Variants in MIB2 observed in about 807,000 individuals in gnomAD.
MIB2 encodes the protein MIB E3 ubiquitin protein ligase 2, also known as E3 ubiquitin-protein ligase MIB2.
MIB2 carries 78 observed loss-of-function variants against 96.6 expected under a neutral mutation model. That is an observed-to-expected ratio of 0.81 (90% CI 0.67 to 0.97). The LOEUF (loss-of-function observed/expected upper bound fraction) is 0.97. Ranked by LOEUF, MIB2 falls within the 50% of genes least tolerant of loss-of-function variation. The probability of loss-of-function intolerance (pLI) is 0.00; values close to 1 mark genes in which losing one functional copy is unlikely to be tolerated. For synonymous variants in MIB2, 820 were observed against 629.5 expected, an observed-to-expected ratio of 1.30 and a Z score of -4.53; for missense variants, 1,543 against 1,424.0, an observed-to-expected ratio of 1.08 and a Z score of -1.35.
Position 1,626,803 on chromosome 1 carries a change from T to C in MIB2, c.1078-34T>C, listed in dbSNP as rs1410743450. On this transcript the variant is annotated intron_variant, in intron 9 of 19. Transcript: ENST00000355826. This position sits in a 1 kb window ranked among gnomAD's most constrained non-coding sequence, Gnocchi z 5.3. Reference sequence around the variant, plus strand: ...CGCTAGCGCCGCTGCCCCCCACACCTGCAGCCTGCTGTGACCCCCTCCCCT... The same window carrying C: ...CGCTAGCGCCGCTGCCCCCCACACCCGCAGCCTGCTGTGACCCCCTCCCCT... 2.0e-6 allele frequency: 3 copies of C among 1,501,094 alleles called. No homozygotes were observed. The highest frequency in any genetic ancestry group is 2.3e-5 in the South Asian group (2 of 88,232). The allele number at this position is 1,501,094 out of a possible 1,614,324, so 93.0% of individuals were successfully genotyped here. A position where few individuals can be genotyped will look rare whatever the true frequency, so the allele number is the denominator to read the frequency against.
At chr1:1,619,101 C>T (rs1205345302) in intron 2 of MIB2, 1 of 152,546 alleles carries the variant, frequency 6.6e-6, no homozygotes, top group Non-Finnish European at 1.5e-5. Flanking sequence ...CGGCCGGGCA[C>T]AGTGGCTCAC....
intron 2 of MIB2, chr1:1,623,127 G>A (rs930336599): frequency 4.0e-6 from 2 of 496,238 alleles, no homozygotes; most frequent in Admixed American, 3.9e-5. Context: ...GTTTTCTTCC[G>A]AGAGCGTTAT....
In MIB2 at chr1:1,629,017, C is replaced by T. The variant is rs1478119499; in HGVS notation, c.2203-116C>T. On this transcript the variant is annotated intron_variant, in intron 16 of 19. Transcript: ENST00000355826. ...CCACTTGGGTTCCGGAAGAGGTGCC[C>T]TTGCCTTGTATTTTAGACATGGGGC... is the stretch of plus-strand genomic sequence containing the variant. 24 of 1,178,702 alleles carry T rather than the reference C, an allele frequency of 2.0e-5. 2 individuals are homozygous for T. The South Asian group carries it at 3.4e-4, about 17-fold the overall frequency. The allele number at this position is 1,178,702 out of a possible 1,614,324, so 73.0% of individuals were successfully genotyped here.
Position 1,628,068 on chromosome 1 carries a change from G to C in MIB2, c.1730G>C (p.Gly577Ala). The C allele has an allele frequency of 1.9e-6, 3 of 1,613,184 alleles. No individual in the cohort carries two copies. The highest frequency in any genetic ancestry group is 2.5e-6 in the Non-Finnish European group (3 of 1,179,990). Reference sequence around the variant, plus strand: ...CACTCCGCCATCTCGGCGGGCACTGGAGCCAGCGGCATTGTCGAGGTCCTC... The same window carrying C: ...CACTCCGCCATCTCGGCGGGCACTGCAGCCAGCGGCATTGTCGAGGTCCTC... ...PLHSAISAGTGASGIVEVLTE... is the reference protein window; with the variant it reads ...PLHSAISAGTAASGIVEVLTE... The change falls in exon 14 of 20, where the codon GGA becomes GCA. Residue 577 changes from glycine (G) to alanine (A), a missense_variant. Physicochemically the swap from Gly to Ala is moderately conservative, Grantham distance 60. Coordinates refer to ENST00000355826, the MANE Select transcript of MIB2 (RefSeq NM_001170687.4).
rs1287602107 is a variant in MIB2, at chr1:1,628,785, AGG to A, written c.2202+65_2202+66del. ...GTGGCGCCGGCAGCAGGCTCTGGGC[AGG>A]GCCTGTGCCACTGTCCACCTTCCCC... is the stretch of plus-strand genomic sequence containing the variant. On this transcript the variant is annotated intron_variant, in intron 16 of 19. Coordinates refer to ENST00000355826, the MANE Select transcript of MIB2 (RefSeq NM_001170687.4). The A allele has an allele frequency of 1.9e-5, 25 of 1,342,638 alleles. No homozygotes were observed. The South Asian group carries it at 2.6e-4, about 14-fold the overall frequency. 83.2% of individuals were successfully genotyped at this position (1,342,638 alleles called of 1,614,324 possible). A position where few individuals can be genotyped will look rare whatever the true frequency, so the allele number is the denominator to read the frequency against.
intron 1 of MIB2, chr1:1,615,972 C>A (rs1297643645): frequency 1.2e-5 from 12 of 985,628 alleles, no homozygotes; most frequent in Non-Finnish European, 1.4e-5. Context: ...GCCTGGCCGC[C>A]GCTGAGCAGT....
intron 4 of MIB2, 40 bp downstream of exon 4, chr1:1,623,985 C>G: frequency 3.8e-6 from 6 of 1,567,376 alleles, no homozygotes; most frequent in Non-Finnish European, 5.2e-6. Flanking sequence ...CGGCGGGTAC[C>G]CAGGCCTTGC....
chr1:1,628,192 T>G lies in MIB2; in HGVS notation c.1841+13T>G, dbSNP rs1644994726. ...AGGGTCACGCGCTGTGAGTGTGGGG[T>G]GGGCACACAGCTGCAGCCGGCCTCT... On this transcript the variant is annotated intron_variant, in intron 14 of 19. Transcript: ENST00000355826. 1 of 1,612,598 alleles carries G rather than the reference T, an allele frequency of 6.2e-7. No individual in the cohort carries two copies. The highest frequency in any genetic ancestry group is 1.3e-5 in the African/African-American group (1 of 75,020).
intron 2 of MIB2, chr1:1,623,201 C>A (rs992369270): frequency 1.5e-6 from 1 of 654,194 alleles, no homozygotes; most frequent in Non-Finnish European, 2.5e-6. Flanking sequence ...GACCACCCTG[C>A]AGTTCCCGCG....
At chr1:1,614,577 AT>A (rs1414058863), upstream of MIB2, 1 of 152,240 alleles carries the variant, frequency 6.6e-6, no homozygotes, top group Non-Finnish European at 1.5e-5. Context: ...CGATTCCCAG[AT>A]TAACTCACTT....
chr1:1,629,770 C>G (rs539664185), intron 19 of MIB2, 66 bp downstream of exon 19: 4 of 1,454,586 alleles, frequency 2.7e-6, no homozygotes, highest in Admixed American at 4.6e-5. Context: ...TCCCCGTCCC[C>G]CACCCCTTCC....
rs747046371 is a variant in MIB2 at position 1,628,686 on chromosome 1, C to CG, written c.2173dup (p.Asp725GlyfsTer107). On this transcript the variant is annotated frameshift_variant, in exon 16 of 20. Coordinates refer to ENST00000355826, the MANE Select transcript of MIB2 (RefSeq NM_001170687.4). LOFTEE classifies it high-confidence loss of function. The stretch of plus-strand genomic sequence containing the variant: ...TGCTGCCCCTGGTGGCTGATGGGGC[C>CG]GGGGGGGACCCAGGGCCCTTGCAGC... 2.4e-5 allele frequency: 37 copies of CG among 1,569,996 alleles called. No individual in the cohort carries two copies. Among genetic ancestry groups the CG allele is most frequent in the Non-Finnish European group, 2.8e-5 (32 of 1,159,754 alleles).
chr1:1,616,672 C>A (rs1643737451), intron 2 of MIB2, 58 bp downstream of exon 2: 1 of 1,400,980 alleles, frequency 7.1e-7, no homozygotes, highest in Non-Finnish European at 9.8e-7. Context: ...CACTTTGGGG[C>A]TCCGTGGAAG....
At chr1:1,621,216 C>T (rs1644232241) in intron 2 of MIB2, among the ~76,000 whole-genome samples, 1 of 152,256 alleles carries the variant, frequency 6.6e-6, no homozygotes, top group Admixed American at 6.5e-5. Flanking sequence ...CACAGGGGCC[C>T]ATGGGGAGGG....
intron 16 of MIB2, 134 bp downstream of exon 16, chr1:1,628,856 G>A: frequency 2.3e-6 from 2 of 855,240 alleles, no homozygotes; most frequent in Non-Finnish European, 3.5e-6. Context: ...GGGTGGAGCA[G>A]ATGGGAGCCA....
At chr1:1,624,049 G>A in intron 4 of MIB2, 104 bp downstream of exon 4, 1 of 1,333,068 alleles carries the variant, frequency 7.5e-7, no homozygotes, top group South Asian at 1.4e-5. Flanking sequence ...CTCCCAGGAA[G>A]ACGGAGCAAG....
intron 4 of MIB2, 103 bp downstream of exon 4, chr1:1,624,048 A>G: frequency 3.8e-6 from 5 of 1,326,518 alleles, no homozygotes; most frequent in Non-Finnish European, 5.1e-6. Flanking sequence ...GCTCCCAGGA[A>G]GACGGAGCAA....
In MIB2 at chr1:1,630,094, G is replaced by A. The variant is rs1638544840; in HGVS notation, c.2630-198G>A. ...GACTCCAGCCCGCACACCACCTTATGCCTGATTTCCACGGCTCACCTCCTG... is the reference window on the plus strand; with the variant it reads ...GACTCCAGCCCGCACACCACCTTATACCTGATTTCCACGGCTCACCTCCTG... On this transcript the variant is annotated intron_variant, in intron 19 of 19. Transcript: ENST00000355826. 7.1e-5 allele frequency among the ~76,000 whole-genome samples: 10 copies of A among 140,340 alleles called. 1 individual carries two copies. In the South Asian group the frequency reaches 2.0e-3, roughly 29 times the overall value. The allele number at this position is 140,340 out of a possible 152,430, so 92.1% of individuals were successfully genotyped here. A position where few individuals can be genotyped will look rare whatever the true frequency, so the allele number is the denominator to read the frequency against.
intron 13 of MIB2, 82 bp from the exon 14 acceptor site, chr1:1,627,937 C>G: frequency 6.2e-7 from 1 of 1,603,616 alleles, no homozygotes; most frequent in South Asian, 1.1e-5. Flanking sequence ...GCCCCCTGCC[C>G]GTGAGTGCTG....
Sources: gnomAD v4.1 joint callset for allele counts (sites outside exome capture counted in the v4.1 genomes callset) on GRCh38, gnomAD v4.1.1 for gene constraint, Gnocchi (gnomAD v3.1) non-coding constraint, MANE v1.5 for transcripts, NCBI Gene and HGNC (gene_info 2026-07-23, HGNC 2026-07-21) for gene names.